The following ZNF333 variants were observed in gnomAD, a reference collection of about 807,000 sequenced individuals.
The protein encoded by ZNF333 is zinc finger protein 333.
In ZNF333, 61 loss-of-function variants were observed where a neutral mutation model predicts 76.1. The observed-to-expected ratio is 0.80, with a 90% CI of 0.65 to 0.99. ZNF333 has a LOEUF of 0.99. ZNF333 is among the 50% of genes least tolerant of loss of function. The pLI is 0.00. For missense variants in ZNF333, 717 were observed against 822.4 expected, an observed-to-expected ratio of 0.87 and a Z score of 1.57; for synonymous variants, 284 against 305.0, an observed-to-expected ratio of 0.93 and a Z score of 0.72.
At chr19:14,691,956 C>T (rs3850139) in intron 1 of ZNF333, among the ~76,000 whole-genome samples, 6,463 of 152,182 alleles carry the variant, frequency 0.042, 151 homozygotes, top group East Asian at 0.1. Context: ...GGATTATAGG[C>T]GTGAGCAACC....
At chr19:14,728,499 C>T (rs2042647863) in intron 11 of ZNF333, among the ~76,000 whole-genome samples, 1 of 152,060 alleles carries the variant, frequency 6.6e-6, no homozygotes, top group East Asian at 1.9e-4. Flanking sequence ...GAAACTTTGT[C>T]TTATGTTTAG....
At chr19:14,730,460 CTT>C (rs1179596361) in intron 11 of ZNF333, among the ~76,000 whole-genome samples, 1 of 89,254 alleles carries the variant, frequency 1.1e-5, no homozygotes, top group Non-Finnish European at 2.7e-5. Flanking sequence ...CCCTTCCTCT[CTT>C]TCTTTCACTT....
chr19:14,705,987 C>T, intron 6 of ZNF333: 1 of 421,744 alleles, frequency 2.4e-6, no homozygotes, highest in South Asian at 1.8e-5. Context: ...CCACTCGTCC[C>T]TGCCCTGTTC....
chr19:14,705,984 TCC>T, intron 6 of ZNF333: 2 of 420,386 alleles, frequency 4.8e-6, no homozygotes, highest in East Asian at 1.4e-4. Flanking sequence ...TTCCCACTCG[TCC>T]CTGCCCTGTT....
rs200385263 is a variant in ZNF333, at chr19:14,719,296, C to T, written c.1969C>T (p.His657Tyr). ...TGGCAGCCTGCCTTTATCCATGTCT[C>T]ATCCATACTGTGGGCCCCTTGCTAA... ...RNGSLPLSMS[H>Y]PYCGPLAN The change falls in exon 12 of 12, where the codon CAT becomes TAT. Residue 657 changes from histidine to tyrosine, a missense_variant. His to Tyr is a moderately conservative substitution (Grantham distance 83). Coordinates refer to ENST00000292530, the MANE Select transcript of ZNF333 (RefSeq NM_032433.4). The T allele has an allele frequency of 6.2e-7, 1 of 1,612,496 alleles. No homozygotes were observed. The highest frequency in any genetic ancestry group is 8.5e-7 in the Non-Finnish European group (1 of 1,179,088).
Position 14,720,252 on chromosome 19 carries a change from T to G in ZNF333, c.*927T>G. On this transcript the variant is annotated 3_prime_UTR_variant, in exon 12 of 12. Transcript: ENST00000292530. ...TTCTTGCAAGCAAGGGCAGGCCATT[T>G]CCTCCGGTCCTGGCTAGTATGAATA... is the stretch of plus-strand genomic sequence containing the variant. 1 of 985,366 alleles carries G rather than the reference T, an allele frequency of 1.0e-6. No homozygotes were observed. The highest frequency in any genetic ancestry group is 1.2e-6 in the Non-Finnish European group (1 of 829,922). 61.0% of individuals were successfully genotyped at this position (985,366 alleles called of 1,614,324 possible).
At chr19:14,707,541 C>T (rs1201229985) in intron 7 of ZNF333, among the ~76,000 whole-genome samples, 10 of 141,972 alleles carry the variant, frequency 7.0e-5, no homozygotes, top group Non-Finnish European at 1.2e-4. Context: ...GAATAATAAG[C>T]TTTGTTTCTT....
rs1568522435 is a variant in ZNF333 at position 14,695,550 on chromosome 19, C to G, written c.128-16C>G. 2 of 1,613,428 alleles carry G rather than the reference C, an allele frequency of 1.2e-6. No individual in the cohort carries two copies. Among genetic ancestry groups the G allele is most frequent in the South Asian group, 2.2e-5 (2 of 91,054 alleles). On this transcript the variant is annotated splice_polypyrimidine_tract_variant and intron_variant, in intron 3 of 11. Transcript: ENST00000292530. Reference sequence around the variant, plus strand: ...GCCCTCTCTCTCTCAGTGCCTGTGTCTTTCTTCATGTGCAGGAACTCCACC... The same window carrying G: ...GCCCTCTCTCTCTCAGTGCCTGTGTGTTTCTTCATGTGCAGGAACTCCACC...
Position 14,719,419 on chromosome 19 carries a change from C to T in ZNF333, c.*94C>T. ...CCTGTGTTTCAATGTATAATATTTTCATTTTGGTTTAATTGTAAGTATTGT... is the reference window on the plus strand; with the variant it reads ...CCTGTGTTTCAATGTATAATATTTTTATTTTGGTTTAATTGTAAGTATTGT... On this transcript the variant is annotated 3_prime_UTR_variant, in exon 12 of 12. Transcript: ENST00000292530. The T allele has an allele frequency of 7.4e-7, 1 of 1,351,084 alleles. No homozygotes were observed. The highest frequency in any genetic ancestry group is 9.9e-7 in the Non-Finnish European group (1 of 1,012,666). The allele number at this position is 1,351,084 out of a possible 1,614,324, so 83.7% of individuals were successfully genotyped here.
At chr19:14,722,985 A>G (rs1437852572), downstream of ZNF333, among the ~76,000 whole-genome samples, 1 of 152,278 alleles carries the variant, frequency 6.6e-6, no homozygotes, top group South Asian at 2.1e-4. Flanking sequence ...ATGGGGTTTC[A>G]CCATGTTAGC....
chr19:14,692,505 T>G (rs192411885), intron 1 of ZNF333, among the ~76,000 whole-genome samples: 2 of 131,650 alleles, frequency 1.5e-5, no homozygotes, highest in African/African-American at 3.2e-5. Flanking sequence ...TAGCATTGGA[T>G]CTTCTTTTTA....
At chr19:14,706,372 C>T (rs2042110526) in intron 6 of ZNF333, 1 of 408,654 alleles carries the variant, frequency 2.4e-6, no homozygotes. Context: ...ATCTTCCCTC[C>T]ACCCCTCAAC....
rs553769887 is a variant in ZNF333 at position 14,719,921 on chromosome 19, C to T, written c.*596C>T. On this transcript the variant is annotated 3_prime_UTR_variant, in exon 12 of 12. Transcript: ENST00000292530. Reference sequence around the variant, plus strand: ...CATCTCCCGGCTGGGCACGGTGGCTCATGCCTCTAATCCCAGCACTTTGGG... The same window carrying T: ...CATCTCCCGGCTGGGCACGGTGGCTTATGCCTCTAATCCCAGCACTTTGGG... The T allele has an allele frequency of 4.1e-6, 4 of 985,532 alleles. No individual in the cohort carries two copies. The highest frequency in any genetic ancestry group is 6.1e-5 in the Admixed American group (1 of 16,282). 61.0% of individuals were successfully genotyped at this position (985,532 alleles called of 1,614,324 possible). A position where few individuals can be genotyped will look rare whatever the true frequency, so the allele number is the denominator to read the frequency against.
chr19:14,695,285 C>T (rs1286935487), intron 3 of ZNF333, 152 bp downstream of exon 3: 2 of 1,242,774 alleles, frequency 1.6e-6, no homozygotes, highest in Non-Finnish European at 1.1e-6. Context: ...GACTTCTTTC[C>T]CTCTGTAGTA....
chr19:14,705,973 C>T (rs2146981311), intron 6 of ZNF333: 3 of 398,880 alleles, frequency 7.5e-6, no homozygotes, highest in Non-Finnish European at 1.0e-5. Flanking sequence ...GAAAAGGCCT[C>T]TTCCCACTCG....
At chr19:14,717,563 A>AG in intron 10 of ZNF333, 94 bp from the exon 11 acceptor site, 1 of 1,079,062 alleles carries the variant, frequency 9.3e-7, no homozygotes, top group Non-Finnish European at 1.4e-6. Context: ...TTGGGAAAAA[A>AG]AGTCCACATG....
intron 6 of ZNF333, 100 bp downstream of exon 6, chr19:14,705,270 T>G: frequency 4.3e-6 from 4 of 929,614 alleles, no homozygotes; most frequent in Non-Finnish European, 6.5e-6. Flanking sequence ...GAAAGGAGGG[T>G]GTTTGGGGCC....
At chr19:14,723,353 G>A (rs1348601546), downstream of ZNF333, among the ~76,000 whole-genome samples, 1 of 152,152 alleles carries the variant, frequency 6.6e-6, no homozygotes, top group East Asian at 1.9e-4. Context: ...AAATAAGTGT[G>A]GTGTGAGACC....
rs1468413680 is a variant in ZNF333, at chr19:14,715,394, G to T, written c.524G>T (p.Arg175Leu). ...WVARDSAVPA[R>L]DPAWLQEDKV... Reference sequence around the variant, plus strand: ...CCTTCTCCCCTAGCTGTGCCTGCACGTGACCCTGCCTGGCTTCAGGAGGAC... The same window carrying T: ...CCTTCTCCCCTAGCTGTGCCTGCACTTGACCCTGCCTGGCTTCAGGAGGAC... Residue 175 changes from arginine (R) to leucine (L), a missense_variant, in exon 8 of 12, where the codon CGT (arginine) becomes CTT (leucine). Arg to Leu is a moderately radical substitution (Grantham distance 102, BLOSUM62 -2). Coordinates refer to ENST00000292530, the MANE Select transcript of ZNF333 (RefSeq NM_032433.4). 6.2e-7 allele frequency: 1 copy of T among 1,613,966 alleles called. No homozygotes were observed. The highest frequency in any genetic ancestry group is 8.5e-7 in the Non-Finnish European group (1 of 1,179,920).
Sources: gnomAD v4.1 joint callset for allele counts (sites outside exome capture counted in the v4.1 genomes callset) on GRCh38, gnomAD v4.1.1 for gene constraint, MANE v1.5 for transcripts, NCBI Gene and HGNC (gene_info 2026-07-23, HGNC 2026-07-21) for gene names.